Variants in ASXL2 observed in about 807,000 individuals in gnomAD.
ASXL2 encodes putative Polycomb group protein ASXL2.
ASXL2 carries 23 observed loss-of-function variants against 122.0 expected under a neutral mutation model. The ratio of observed to expected loss-of-function variants is 0.19; its 90% CI spans 0.14 to 0.27. ASXL2 has a LOEUF of 0.27. ASXL2 is among the 10% of genes least tolerant of loss of function. ASXL2 has a pLI of 1.00. For missense variants in ASXL2, 1,518 were observed against 1,713.8 expected (o/e 0.89, Z 2.02); for synonymous variants, 650 against 637.0 (o/e 1.02, Z -0.31).
chr2:25,793,833 T>C (rs1461684857), intron 5 of ASXL2, among the ~76,000 whole-genome samples: 2 of 152,176 alleles, frequency 1.3e-5, no homozygotes, highest in African/African-American at 2.4e-5. Flanking sequence ...CAGAGTCCCC[T>C]GGCCTAAATG....
intron 1 of ASXL2, among the ~76,000 whole-genome samples, chr2:25,848,595 C>T (rs1433920123): frequency 6.6e-6 from 1 of 151,836 alleles, no homozygotes; most frequent in Admixed American, 6.6e-5. Context: ...TGCACTCCAG[C>T]CTGGGTGACA....
At chr2:25,856,570 G>C (rs189787261) in intron 1 of ASXL2, 1 of 1,156,678 alleles carries the variant, frequency 8.6e-7, no homozygotes, top group African/African-American at 1.5e-5. Context: ...CGCTCCAAGG[G>C]GTAGGGGGCG....
At chr2:25,825,358 G>A (rs2089363894) in intron 3 of ASXL2, among the ~76,000 whole-genome samples, 1 of 152,106 alleles carries the variant, frequency 6.6e-6, no homozygotes, top group South Asian at 2.1e-4. Flanking sequence ...TAAGTGTACA[G>A]GTTCAGTAGT....
chr2:25,843,123 A>G (rs540775760), intron 2 of ASXL2, among the ~76,000 whole-genome samples: 1 of 151,852 alleles, frequency 6.6e-6, no homozygotes, highest in African/African-American at 2.4e-5. Flanking sequence ...ACACGGTGAA[A>G]CCACGTCTCT....
At chr2:25,776,181 C>T (rs973048188) in intron 5 of ASXL2, among the ~76,000 whole-genome samples, 2 of 152,096 alleles carry the variant, frequency 1.3e-5, no homozygotes, top group African/African-American at 2.4e-5. Context: ...CATCTATGTC[C>T]GTGGTCCTAG....
chr2:25,779,665 CTTGT>C lies in ASXL2; in HGVS notation c.404-8129_404-8126del, dbSNP rs2088602761. 4.6e-5 allele frequency among the ~76,000 whole-genome samples: 7 copies of C among 152,244 alleles called. No individual in the cohort carries two copies. In the South Asian group the frequency reaches 1.4e-3, roughly 32 times the overall value. ...GTCATTATGCCACAAATTTGACATA[CTTGT>C]TTGCTTTCTTATTTCTAGGAAGTAC... On this transcript the variant is annotated intron_variant, in intron 5 of 12. Coordinates refer to ENST00000435504, the MANE Select transcript of ASXL2 (RefSeq NM_018263.6).
chr2:25,761,475 C>G (rs539350162), intron 8 of ASXL2, among the ~76,000 whole-genome samples: 18 of 152,070 alleles, frequency 1.2e-4, no homozygotes, highest in Admixed American at 5.9e-4. Flanking sequence ...GAGATCGAGA[C>G]CATCCTGGCT....
At chr2:25,755,244 A>G (rs540178243) in intron 10 of ASXL2, among the ~76,000 whole-genome samples, 14 of 152,362 alleles carry the variant, frequency 9.2e-5, no homozygotes, top group African/African-American at 3.4e-4. Flanking sequence ...AACAAAACCA[A>G]TAAAGCTCTG....
rs992046341 is a variant in ASXL2 at position 25,737,702 on chromosome 2, G to A, written c.*4327C>T. On this transcript the variant is annotated 3_prime_UTR_variant, in exon 13 of 13. Transcript: ENST00000435504. Reference sequence around the variant, plus strand: ...CAAGGTTTTTATTTTCACTTTTAATGATCTTTTACTTAATAATAAAATGAA... The same window carrying A: ...CAAGGTTTTTATTTTCACTTTTAATAATCTTTTACTTAATAATAAAATGAA... The A allele has an allele frequency of 6.6e-6, 1 of 151,924 alleles. No individual in the cohort carries two copies. The highest frequency in any genetic ancestry group is 1.5e-5 in the Non-Finnish European group (1 of 67,984). 9.4% of individuals were successfully genotyped at this position (151,924 alleles called of 1,614,324 possible).
chr2:25,857,558 T>C (rs2089796217), intron 1 of ASXL2, among the ~76,000 whole-genome samples: 1 of 152,206 alleles, frequency 6.6e-6, no homozygotes, highest in Non-Finnish European at 1.5e-5. Context: ...CTCTCCTGCT[T>C]CAGAATCTTT....
At chr2:25,756,465 G>GAAAAAAAAAAGAAAAAAAAAAAAA (rs2088137252) in intron 9 of ASXL2, among the ~76,000 whole-genome samples, 5 of 91,406 alleles carry the variant, frequency 5.5e-5, no homozygotes, top group African/African-American at 1.2e-4. Context: ...AAAAAAAAAA[G>GAAAAAAAAAAGAAAAAAAAAAAAA]AAAAAAAAAA....
At position 25,742,594 on chromosome 2, in the gene ASXL2, T is replaced by A; in HGVS notation, c.3743A>T (p.Tyr1248Phe). The part of the protein sequence containing the change: ...NEQTTLSKEN[Y>F]LFTRGQTFDE... ...AAATGTTTGGCCTCTAGTGAACAGG[T>A]AATTCTCCTTACTTAAAGTGGTTTG... Residue 1248 changes from tyrosine to phenylalanine, a missense_variant, in exon 13 of 13, where the codon TAC (tyrosine) becomes TTC (phenylalanine). Transcript: ENST00000435504. 6.2e-7 allele frequency: 1 copy of A among 1,613,982 alleles called. No homozygotes were observed. The highest frequency in any genetic ancestry group is 8.5e-7 in the Non-Finnish European group (1 of 1,179,888).
chr2:25,755,799 T>C (rs2088119848), intron 10 of ASXL2, among the ~76,000 whole-genome samples: 1 of 152,260 alleles, frequency 6.6e-6, no homozygotes, highest in African/African-American at 2.4e-5. Context: ...GGAAGCTTTA[T>C]ATCATTAAAG....
At chr2:25,803,689 T>A (rs756556711) in intron 4 of ASXL2, among the ~76,000 whole-genome samples, 2 of 152,198 alleles carry the variant, frequency 1.3e-5, no homozygotes, top group East Asian at 1.9e-4. Flanking sequence ...ACAGAGTGCA[T>A]GACCTAGATC....
intron 2 of ASXL2, among the ~76,000 whole-genome samples, chr2:25,836,399 G>A (rs1301835958): frequency 6.6e-6 from 1 of 152,092 alleles, no homozygotes; most frequent in Non-Finnish European, 1.5e-5. Flanking sequence ...GATCTACTCT[G>A]CAGGGATAAG....
At chr2:25,770,271 C>T (rs1409684104) in intron 6 of ASXL2, among the ~76,000 whole-genome samples, 1 of 152,016 alleles carries the variant, frequency 6.6e-6, no homozygotes, top group Non-Finnish European at 1.5e-5. Context: ...TGCAGTGGCA[C>T]GATCTCGGCT....
intron 5 of ASXL2, among the ~76,000 whole-genome samples, chr2:25,785,342 T>C (rs1258048039): frequency 1.3e-5 from 2 of 151,522 alleles, no homozygotes; most frequent in Non-Finnish European, 2.9e-5. Flanking sequence ...TCTCGTGCCT[T>C]GCCTCTGGAG....
rs764576732 is a variant in ASXL2, at chr2:25,771,546, GA to G, written c.404-7del. On this transcript the variant is annotated splice_region_variant and splice_polypyrimidine_tract_variant and intron_variant, in intron 5 of 12. Transcript: ENST00000435504. ...CTGCGGGGAGGACGACGATACTAGGGAAAAAAAAGTGACAATAAAAGATTTT... is the reference window on the plus strand; with the variant it reads ...CTGCGGGGAGGACGACGATACTAGGGAAAAAAAGTGACAATAAAAGATTTT... 9 of 1,598,674 alleles carry G rather than the reference GA, an allele frequency of 5.6e-6. No homozygotes were observed. Among genetic ancestry groups the G allele is most frequent in the Admixed American group, 1.8e-5 (1 of 57,052 alleles).
At chr2:25,832,060 T>C (rs2089460256) in intron 3 of ASXL2, among the ~76,000 whole-genome samples, 1 of 152,142 alleles carries the variant, frequency 6.6e-6, no homozygotes, top group Non-Finnish European at 1.5e-5. Context: ...TCTTAAAGAA[T>C]GACTAAAGGA....
Sources: gnomAD v4.1 joint callset for allele counts (sites outside exome capture counted in the v4.1 genomes callset) on GRCh38, gnomAD v4.1.1 for gene constraint, MANE v1.5 for transcripts, NCBI Gene and HGNC (gene_info 2026-07-23, HGNC 2026-07-21) for gene names.